Variants in GLE1 observed in about 807,000 individuals in gnomAD.
GLE1 encodes GLE1 RNA export mediator.
A neutral mutation model predicts 97.3 loss-of-function variants in GLE1; 78 were observed. The ratio of observed to expected loss-of-function variants is 0.80; its 90% confidence interval spans 0.67 to 0.97. The LOEUF (loss-of-function observed/expected upper bound fraction) is 0.97, where lower values mean the gene tolerates loss of function less well. Among genes scored for constraint, GLE1 ranks in the 50% least tolerant of loss-of-function variants. The pLI, the probability that GLE1 is intolerant of heterozygous loss-of-function variation, is 0.00. For synonymous variants in GLE1, 302 were observed against 313.4 expected (o/e 0.96, Z 0.39); for missense variants, 753 against 857.5 (o/e 0.88, Z 1.52).
At chr9:128,534,514 A>G (rs1847633113) in intron 11 of GLE1, among the ~76,000 whole-genome samples, 1 of 152,088 alleles carries the variant, frequency 6.6e-6, no homozygotes, top group Non-Finnish European at 1.5e-5. Context: ...TTGTCATTTA[A>G]TACCTTTGCA....
intron 11 of GLE1, among the ~76,000 whole-genome samples, chr9:128,535,345 A>G (rs1847668754): frequency 6.6e-6 from 1 of 151,686 alleles, no homozygotes; most frequent in African/African-American, 2.4e-5. Flanking sequence ...ATATGGGGAA[A>G]ACCCGTTTCT....
chr9:128,513,781 C>G (rs1223484662), intron 2 of GLE1, among the ~76,000 whole-genome samples: 3 of 151,124 alleles, frequency 2.0e-5, no homozygotes, highest in African/African-American at 7.3e-5. Flanking sequence ...CTTTGGAAGG[C>G]CAAGGCGGGT....
At chr9:128,507,033 C>T (rs757200921) in intron 1 of GLE1, among the ~76,000 whole-genome samples, 11 of 152,050 alleles carry the variant, frequency 7.2e-5, no homozygotes, top group Non-Finnish European at 4.4e-5. Flanking sequence ...AGATGTTCCA[C>T]GCTCATCTTA....
chr9:128,505,391 G>A (rs1182083786), intron 1 of GLE1, among the ~76,000 whole-genome samples: 1 of 152,200 alleles, frequency 6.6e-6, no homozygotes, highest in African/African-American at 2.4e-5. Context: ...GAGAAGTGGA[G>A]GGATGTGGAG....
Position 128,532,695 on chromosome 9 carries a change from C to T in GLE1, c.1313-818C>T, listed in dbSNP as rs116632803. The T allele has an allele frequency of 1.1e-4, 108 of 974,422 alleles. No homozygotes were observed. In the African/African-American group the frequency reaches 1.6e-3, roughly 14 times the overall value. The allele number at this position is 974,422 out of a possible 1,614,324, so 60.4% of individuals were successfully genotyped here. Reference sequence around the variant, plus strand: ...CGTTCTTTGGTCTTCATGGCAGGTACGCAGCCCCCACTGCTTGTGAGTGTA... The same window carrying T: ...CGTTCTTTGGTCTTCATGGCAGGTATGCAGCCCCCACTGCTTGTGAGTGTA... On this transcript the variant is annotated intron_variant, in intron 9 of 15. Coordinates refer to ENST00000309971, the MANE Select transcript of GLE1 (RefSeq NM_001003722.2).
At position 128,515,523 on chromosome 9, in the gene GLE1, A is replaced by G. The variant is rs1208370689; in HGVS notation, c.322-6A>G. 1 of 1,495,588 alleles carries G rather than the reference A, an allele frequency of 6.7e-7. No individual in the cohort carries two copies. Among genetic ancestry groups the G allele is most frequent in the South Asian group, 1.1e-5 (1 of 88,708 alleles). The allele number at this position is 1,495,588 out of a possible 1,614,324, so 92.6% of individuals were successfully genotyped here. The stretch of plus-strand genomic sequence containing the variant: ...TTAATTATTTTTCCATTTTCTGCTC[A>G]TATAGGGCAAAGATGAGTCCCAGCA... On this transcript the variant is annotated splice_polypyrimidine_tract_variant and splice_region_variant and intron_variant, in intron 2 of 15. Coordinates refer to ENST00000309971, the MANE Select transcript of GLE1 (RefSeq NM_001003722.2).
chr9:128,506,565 C>T (rs374121112), intron 1 of GLE1, among the ~76,000 whole-genome samples: 31 of 152,256 alleles, frequency 2.0e-4, no homozygotes, highest in African/African-American at 7.0e-4. Context: ...AGCTATTTCT[C>T]CAAAGAGGCT....
chr9:128,520,390 ATATGTATG>A (rs1395574537), intron 3 of GLE1, among the ~76,000 whole-genome samples: 1 of 148,306 alleles, frequency 6.7e-6, no homozygotes, highest in Non-Finnish European at 1.5e-5. Context: ...ATATGTGTAT[ATATGTATG>A]TGTGTATATA....
chr9:128,535,892 C>T (rs1359115097), intron 11 of GLE1, among the ~76,000 whole-genome samples: 2 of 152,060 alleles, frequency 1.3e-5, no homozygotes, highest in South Asian at 2.1e-4. Context: ...GGGAGGATCA[C>T]TTGAACCTGG....
chr9:128,530,178 A>C (rs1847448698), intron 9 of GLE1, among the ~76,000 whole-genome samples: 1 of 152,126 alleles, frequency 6.6e-6, no homozygotes, highest in South Asian at 2.1e-4. Context: ...ATGACTCCCA[A>C]ACCTACCTCT....
intron 2 of GLE1, 89 bp downstream of exon 2, chr9:128,509,186 G>A (rs1252279465): frequency 1.2e-6 from 1 of 808,220 alleles, no homozygotes; most frequent in East Asian, 2.5e-5. Context: ...CCATACCCTA[G>A]GGGAAATAAT....
intron 9 of GLE1, among the ~76,000 whole-genome samples, chr9:128,528,627 A>G (rs1018259132): frequency 1.3e-5 from 2 of 152,058 alleles, no homozygotes; most frequent in African/African-American, 4.8e-5. Flanking sequence ...TTAACAAGCT[A>G]CCTTTTATGG....
At position 128,540,311 on chromosome 9, in the gene GLE1, C is replaced by T. The variant is rs571744977; in HGVS notation, c.2001C>T (p.Ser667=). Reference sequence around the variant, plus strand: ...TCACAAGCTCAGGACAGATGGGCTCCTTCATACGCCTCAAGCAGTTCTTGG... The same window carrying T: ...TCACAAGCTCAGGACAGATGGGCTCTTTCATACGCCTCAAGCAGTTCTTGG... The part of the protein sequence containing the change: ...EAITSSGQMG[S]FIRLKQFLEK... The change falls in exon 15 of 16, where the codon TCC becomes TCT. Residue 667 remains serine (S), a synonymous_variant. Coordinates refer to ENST00000309971, the MANE Select transcript of GLE1 (RefSeq NM_001003722.2). 2.2e-5 allele frequency: 36 copies of T among 1,610,306 alleles called. No individual in the cohort carries two copies. The South Asian group carries it at 3.7e-4, about 17-fold the overall frequency.
intron 2 of GLE1, among the ~76,000 whole-genome samples, chr9:128,510,386 G>A (rs992584117): frequency 7.9e-5 from 12 of 151,756 alleles, no homozygotes; most frequent in South Asian, 2.1e-4. Context: ...CCACTATCAC[G>A]CCCGGCTTAT....
At chr9:128,528,155 C>T (rs1018291790) in intron 9 of GLE1, among the ~76,000 whole-genome samples, 14 of 150,968 alleles carry the variant, frequency 9.3e-5, no homozygotes, top group African/African-American at 3.2e-4. Flanking sequence ...CAGGCGCCCA[C>T]CACCATACCC....
intron 6 of GLE1, 48 bp downstream of exon 6, chr9:128,523,894 C>T (rs1264649365): frequency 1.3e-6 from 2 of 1,599,562 alleles, no homozygotes; most frequent in Non-Finnish European, 1.7e-6. Flanking sequence ...AAATGGAAGC[C>T]TTTAAAAGCA....
rs777346999 is a variant in GLE1 at position 128,523,654 on chromosome 9, G to A, written c.705G>A (p.Arg235=). 2 of 1,614,146 alleles carry A rather than the reference G, an allele frequency of 1.2e-6. No individual in the cohort carries two copies. Residue 235 remains arginine, a synonymous_variant, in exon 6 of 16, where the codon CGG becomes CGA. Coordinates refer to ENST00000309971, the MANE Select transcript of GLE1 (RefSeq NM_001003722.2). The stretch of plus-strand genomic sequence containing the variant: ...GCGTGAAGCAAGCAGAACAGGAGCG[G>A]CTTCGGAAGGAAGAAGGCCAGATCC... ...QQRVKQAEQE[R]LRKEEGQIRL...
At chr9:128,527,881 T>G in intron 9 of GLE1, among the ~76,000 whole-genome samples, 1 of 151,740 alleles carries the variant, frequency 6.6e-6, no homozygotes, top group East Asian at 2.0e-4. Context: ...GGACAATTGC[T>G]TGAACCCAGG....
intron 2 of GLE1, among the ~76,000 whole-genome samples, chr9:128,513,564 C>T (rs1846886348): frequency 6.6e-6 from 1 of 151,848 alleles, no homozygotes; most frequent in Admixed American, 6.6e-5. Context: ...AAAAAAATTA[C>T]CTGAACATGA....
Sources: allele counts gnomAD v4.1 joint callset (sites outside exome capture counted in the v4.1 genomes callset), GRCh38; gene constraint gnomAD v4.1.1; transcripts MANE v1.5; gene names NCBI Gene and HGNC (gene_info 2026-07-23, HGNC 2026-07-21).